Variants in SLC5A10 observed in about 807,000 individuals in gnomAD.
SLC5A10 encodes the protein sodium/mannose cotransporter SLC5A10.
In SLC5A10, 55 loss-of-function variants were observed where a neutral mutation model predicts 68.9. That is an observed-to-expected ratio of 0.80 (90% CI 0.64 to 1.00). The LOEUF is 1.00. SLC5A10 is among the 50% of genes least tolerant of loss of function. The probability of loss-of-function intolerance (pLI) is 0.00; values close to 1 mark genes in which losing one functional copy is unlikely to be tolerated. For missense variants in SLC5A10, 732 were observed against 819.3 expected (o/e 0.89, Z 1.30); for synonymous variants, 344 against 344.8 (o/e 1.00, Z 0.02).
At chr17:19,001,280 A>G (rs1032604726) in intron 9 of SLC5A10, among the ~76,000 whole-genome samples, 15 of 152,096 alleles carry the variant, frequency 9.9e-5, no homozygotes, top group Non-Finnish European at 2.1e-4. Context: ...GCTCACCACA[A>G]TGCTGTGGAG....
chr17:18,953,554 A>G (rs1015654684), intron 1 of SLC5A10: 6 of 152,554 alleles, frequency 3.9e-5, no homozygotes, highest in Admixed American at 1.3e-4. Context: ...TGGAGACACC[A>G]CCTACCTGGG....
rs917953874 is a variant in SLC5A10 at position 19,004,822 on chromosome 17, C to T, written c.983-8588C>T. On this transcript the variant is annotated intron_variant, in intron 9 of 14. Transcript: ENST00000395645. The surrounding 1 kb of genome is among the most constrained non-coding windows in gnomAD (Gnocchi z 5.4). Reference sequence around the variant, plus strand: ...GCCCCGCTTACCCCGCCGCCGCCACCTGCGGTCACGTGCCGCCCGGGGCGG... The same window carrying T: ...GCCCCGCTTACCCCGCCGCCGCCACTTGCGGTCACGTGCCGCCCGGGGCGG... 3 of 151,694 alleles carry T rather than the reference C, an allele frequency of 2.0e-5. No individual in the cohort carries two copies. The highest frequency in any genetic ancestry group is 4.4e-5 in the Non-Finnish European group (3 of 67,850). The allele number at this position is 151,694 out of a possible 1,614,324, so 9.4% of individuals were successfully genotyped here.
chr17:18,985,928 TG>T (rs1431545326), intron 9 of SLC5A10, among the ~76,000 whole-genome samples: 1 of 152,244 alleles, frequency 6.6e-6, no homozygotes, highest in East Asian at 1.9e-4. Context: ...TTAGAATGTG[TG>T]GTTCTTGCCA....
chr17:18,957,252 C>T (rs966223234), intron 1 of SLC5A10, among the ~76,000 whole-genome samples: 4 of 152,240 alleles, frequency 2.6e-5, no homozygotes, highest in East Asian at 1.9e-4. Flanking sequence ...CCAGGTAACA[C>T]GGCCAGGAAG....
At chr17:18,988,169 C>T in intron 9 of SLC5A10, 1 of 1,553,770 alleles carries the variant, frequency 6.4e-7, no homozygotes, top group Non-Finnish European at 8.7e-7. Flanking sequence ...CCAGAGCAGG[C>T]AGGTACTCGA....
Position 18,980,008 on chromosome 17 carries a change from G to A in SLC5A10, c.982+3019G>A, listed in dbSNP as rs188879699. On this transcript the variant is annotated intron_variant, in intron 9 of 14. Coordinates refer to ENST00000395645, the MANE Select transcript of SLC5A10 (RefSeq NM_001042450.4). ...GCCAGCCAGCTTGGGAAATGCTGCC[G>A]TGGGTGGTGGATGCTATGGTGGGGT... Among the ~76,000 whole-genome samples the A allele has an allele frequency of 7.9e-5, 12 of 152,302 alleles. No individual in the cohort carries two copies. The East Asian group carries it at 1.9e-3, about 25-fold the overall frequency.
intron 1 of SLC5A10, among the ~76,000 whole-genome samples, chr17:18,958,140 C>T (rs752297283): frequency 2.0e-5 from 3 of 152,178 alleles, no homozygotes; most frequent in African/African-American, 4.8e-5. Context: ...GCACAATCAC[C>T]GCTCACTGCA....
rs193201833 is a variant in SLC5A10, at chr17:18,954,958, C to T, written c.111+2642C>T. On this transcript the variant is annotated intron_variant, in intron 1 of 14. Transcript: ENST00000395645. Reference sequence around the variant, plus strand: ...AAAATTAGCCAGGCGTGGTGCCAGGCGCCTGTAATCCCAGCTACTCAGGAG... The same window carrying T: ...AAAATTAGCCAGGCGTGGTGCCAGGTGCCTGTAATCCCAGCTACTCAGGAG... Among the ~76,000 whole-genome samples, 13 of 151,884 alleles carry T rather than the reference C, an allele frequency of 8.6e-5. No individual in the cohort carries two copies. The East Asian group carries it at 1.9e-3, about 23-fold the overall frequency.
chr17:18,981,896 C>T (rs2043144164), intron 9 of SLC5A10, among the ~76,000 whole-genome samples: 1 of 152,198 alleles, frequency 6.6e-6, no homozygotes, highest in South Asian at 2.1e-4. Context: ...AGAAGTCGGA[C>T]AAAGATCCTG....
chr17:18,985,274 AT>A (rs1398831957), intron 9 of SLC5A10, among the ~76,000 whole-genome samples: 1 of 152,174 alleles, frequency 6.6e-6, no homozygotes, highest in Non-Finnish European at 1.5e-5. Flanking sequence ...CCATGTCCCC[AT>A]TTTGTAGACA....
intron 9 of SLC5A10, among the ~76,000 whole-genome samples, chr17:18,980,272 T>A (rs893133972): frequency 1.3e-5 from 2 of 152,150 alleles, no homozygotes; most frequent in African/African-American, 4.8e-5. Flanking sequence ...ACCTTTCTCC[T>A]TCCCCATGGC....
chr17:18,990,729 G>A (rs2043398394), intron 9 of SLC5A10, among the ~76,000 whole-genome samples: 1 of 152,212 alleles, frequency 6.6e-6, no homozygotes, highest in South Asian at 2.1e-4. Context: ...TGGGTTCAGT[G>A]CCTAGGGTGG....
intron 8 of SLC5A10, among the ~76,000 whole-genome samples, chr17:18,972,086 A>C (rs1743626146): frequency 5.3e-5 from 8 of 152,160 alleles, no homozygotes; most frequent in African/African-American, 1.7e-4. Flanking sequence ...TGTTGAGTGC[A>C]GGGGGTGACT....
Position 18,960,616 on chromosome 17 carries a change from C to T in SLC5A10, c.417C>T (p.Val139=), listed in dbSNP as rs377718527. 2 of 1,614,164 alleles carry T rather than the reference C, an allele frequency of 1.2e-6. No individual in the cohort carries two copies. The highest frequency in any genetic ancestry group is 1.7e-5 in the Admixed American group (1 of 60,022). The stretch of plus-strand genomic sequence containing the variant: ...AGCGGATCCGCATGTACCTGTCTGT[C>T]CTGTCCCTGCTACTGTCTGTCTTCA... The part of the protein sequence containing the change: ...GGQRIRMYLS[V]LSLLLSVFTK... Residue 139 remains valine, a synonymous_variant, in exon 5 of 15, where the codon GTC becomes GTT. Coordinates refer to ENST00000395645, the MANE Select transcript of SLC5A10 (RefSeq NM_001042450.4).
rs575913772 is a variant in SLC5A10, at chr17:19,019,468, C to A, written c.1287C>A (p.Pro429=). 6.2e-7 allele frequency: 1 copy of A among 1,612,012 alleles called. No homozygotes were observed. The change falls in exon 12 of 15, where the codon CCC becomes CCA. Residue 429 remains proline, a synonymous_variant. Transcript: ENST00000395645. ...ALIGVSVAWI[P]VLQDSNSGQL... ...TCGGCGTGAGTGTGGCCTGGATCCC[C>A]GTCCTGCAGGACTCCAACAGCGGGC...
rs1256279596 is a variant in SLC5A10 at position 19,013,395 on chromosome 17, C to T, written c.983-15C>T. 2 of 1,605,982 alleles carry T rather than the reference C, an allele frequency of 1.2e-6. No homozygotes were observed. Among genetic ancestry groups the T allele is most frequent in the East Asian group, 2.3e-5 (1 of 44,270 alleles). The stretch of plus-strand genomic sequence containing the variant: ...GTCTATGAGGAGAGACACCAAGTGT[C>T]CGTCTCTCGAACAGATGATGTGGGC... On this transcript the variant is annotated splice_polypyrimidine_tract_variant and intron_variant, in intron 9 of 14. Transcript: ENST00000395645.
rs1386363663 is a variant in SLC5A10 at position 19,003,330 on chromosome 17, C to A, written c.983-10080C>A. Among the ~76,000 whole-genome samples the A allele has an allele frequency of 2.0e-5, 3 of 152,034 alleles. No homozygotes were observed. Among genetic ancestry groups the A allele is most frequent in the Non-Finnish European group, 4.4e-5 (3 of 67,992 alleles). The stretch of plus-strand genomic sequence containing the variant: ...CACCTGCTAGGACCTGGGAACCCTA[C>A]CCTGCAAAGAAACTGCGGATCCCCA... On this transcript the variant is annotated intron_variant, in intron 9 of 14. Coordinates refer to ENST00000395645, the MANE Select transcript of SLC5A10 (RefSeq NM_001042450.4). This position sits in a 1 kb window ranked among gnomAD's most constrained non-coding sequence, Gnocchi z 4.5.
intron 9 of SLC5A10, among the ~76,000 whole-genome samples, chr17:18,985,787 G>A (rs762354465): frequency 2.0e-4 from 31 of 152,192 alleles, no homozygotes; most frequent in Non-Finnish European, 4.1e-4. Context: ...CGAGGCGGCT[G>A]AGCAGGGCAG....
At chr17:18,962,938 G>A (rs1175514214) in intron 5 of SLC5A10, among the ~76,000 whole-genome samples, 7 of 152,180 alleles carry the variant, frequency 4.6e-5, no homozygotes, top group Non-Finnish European at 8.8e-5. Context: ...GGCAGAGGGG[G>A]CCGGCGTGGT....
Sources: allele counts gnomAD v4.1 joint callset (sites outside exome capture counted in the v4.1 genomes callset), GRCh38; gene constraint gnomAD v4.1.1; non-coding constraint Gnocchi (gnomAD v3.1); transcripts MANE v1.5; gene names NCBI Gene and HGNC (gene_info 2026-07-23, HGNC 2026-07-21).